The following ZFHX4 variants were observed in gnomAD, a reference collection of about 807,000 sequenced individuals.
The protein encoded by ZFHX4 is zinc finger homeobox protein 4.
Under a neutral mutation model 267.6 loss-of-function variants are expected in ZFHX4, and 56 were observed. The observed-to-expected ratio is 0.21, with a 90% CI of 0.17 to 0.26. ZFHX4 has a LOEUF of 0.26. ZFHX4 is among the 10% of genes least tolerant of loss of function. The pLI, the probability that ZFHX4 is intolerant of heterozygous loss-of-function variation, is 1.00. For synonymous variants in ZFHX4, 1,778 were observed against 1,665.6 expected (o/e 1.07, Z -1.64); for missense variants, 4,332 against 4,420.0 (o/e 0.98, Z 0.56).
At chr8:76,793,015 G>A (rs565621213) in intron 4 of ZFHX4, among the ~76,000 whole-genome samples, 2 of 152,292 alleles carry the variant, frequency 1.3e-5, no homozygotes, top group Admixed American at 1.3e-4. Flanking sequence ...CATTACTGAA[G>A]AGAGCACAAA....
intron 3 of ZFHX4, among the ~76,000 whole-genome samples, chr8:76,729,284 A>C (rs1808936180): frequency 6.6e-6 from 1 of 152,266 alleles, no homozygotes; most frequent in Admixed American, 6.5e-5. Context: ...TTTGAAGGTT[A>C]GTTGTTTGTA....
intron 4 of ZFHX4, among the ~76,000 whole-genome samples, chr8:76,815,098 C>G (rs1267456015): frequency 6.6e-6 from 1 of 151,892 alleles, no homozygotes; most frequent in Non-Finnish European, 1.5e-5. Context: ...GTAGGTCTAG[C>G]AAGAGAGTGA....
chr8:76,790,832 C>T (rs1810816496), intron 4 of ZFHX4, among the ~76,000 whole-genome samples: 1 of 152,068 alleles, frequency 6.6e-6, no homozygotes, highest in African/African-American at 2.4e-5. Flanking sequence ...AAACTTGCTA[C>T]CTTTTAGGTT....
chr8:76,850,795 G>T, intron 9 of ZFHX4, 91 bp from the exon 10 acceptor site: 2 of 1,327,354 alleles, frequency 1.5e-6, no homozygotes, highest in Non-Finnish European at 2.0e-6. Flanking sequence ...TTAAGCAGAA[G>T]CCTTTAGAGG....
chr8:76,732,051 A>G (rs775599050), intron 3 of ZFHX4, among the ~76,000 whole-genome samples: 3 of 151,966 alleles, frequency 2.0e-5, no homozygotes, highest in Non-Finnish European at 4.4e-5. Flanking sequence ...CATGTTGGCC[A>G]GGCTGGTCTT....
At chr8:76,819,290 A>G (rs1298451123) in intron 4 of ZFHX4, among the ~76,000 whole-genome samples, 2 of 151,654 alleles carry the variant, frequency 1.3e-5, no homozygotes, top group African/African-American at 2.4e-5. Context: ...AATGTCATTT[A>G]TGCTGAATAA....
intron 3 of ZFHX4, among the ~76,000 whole-genome samples, chr8:76,743,698 T>C (rs549716338): frequency 2.0e-5 from 3 of 152,320 alleles, no homozygotes; most frequent in South Asian, 4.1e-4. Context: ...ATTAGAAAGA[T>C]GTTATTGGCT....
chr8:76,773,098 A>G (rs1245120773), intron 3 of ZFHX4, among the ~76,000 whole-genome samples: 1 of 152,158 alleles, frequency 6.6e-6, no homozygotes, highest in African/African-American at 2.4e-5. Context: ...CTTGCCCAAT[A>G]CTTGCCATAG....
chr8:76,731,951 C>T (rs1026245090), intron 3 of ZFHX4, among the ~76,000 whole-genome samples: 1 of 151,506 alleles, frequency 6.6e-6, no homozygotes, highest in East Asian at 1.9e-4. Flanking sequence ...AAGCTATTCT[C>T]CTGCCTCAGC....
chr8:76,861,653 T>C (rs552728547), intron 10 of ZFHX4, among the ~76,000 whole-genome samples: 1 of 152,178 alleles, frequency 6.6e-6, no homozygotes, highest in East Asian at 1.9e-4. Flanking sequence ...TGCTAAGCTT[T>C]CTCGGTTGGG....
intron 4 of ZFHX4, among the ~76,000 whole-genome samples, chr8:76,809,132 G>T (rs1195468941): frequency 6.6e-6 from 1 of 152,176 alleles, no homozygotes; most frequent in South Asian, 2.1e-4. Context: ...GAAAAAGAAA[G>T]CAGTGTTATA....
At chr8:76,691,015 T>C (rs1405617150) in intron 1 of ZFHX4, among the ~76,000 whole-genome samples, 1 of 152,040 alleles carries the variant, frequency 6.6e-6, no homozygotes. Context: ...TTATCTTTGA[T>C]TACCCAGCAA....
In ZFHX4 at chr8:76,806,741, G is replaced by C. The variant is rs879737154; in HGVS notation, c.3326-26597G>C. On this transcript the variant is annotated intron_variant, in intron 4 of 10. Coordinates refer to ENST00000651372, the MANE Select transcript of ZFHX4 (RefSeq NM_024721.5). ...CCAAGTGTCCCCAAGAGTTCTTAAA[G>C]AGAATTTAGGTACTGGGATAAAATC... Among the ~76,000 whole-genome samples the C allele has an allele frequency of 4.6e-5, 7 of 152,194 alleles. No homozygotes were observed. The East Asian group carries it at 1.2e-3, about 25-fold the overall frequency.
At chr8:76,682,487 C>G (rs1237289580) in intron 1 of ZFHX4, 1 of 152,282 alleles carries the variant, frequency 6.6e-6, no homozygotes, top group Admixed American at 6.5e-5. Context: ...GGCGCGGGCG[C>G]GGGCGCCGCG....
At chr8:76,815,393 A>C (rs1811479011) in intron 4 of ZFHX4, among the ~76,000 whole-genome samples, 1 of 152,222 alleles carries the variant, frequency 6.6e-6, no homozygotes, top group Non-Finnish European at 1.5e-5. Flanking sequence ...TCAAGGTGCC[A>C]GCCAATTAGA....
At chr8:76,758,755 A>G (rs1249957158) in intron 3 of ZFHX4, among the ~76,000 whole-genome samples, 2 of 152,094 alleles carry the variant, frequency 1.3e-5, no homozygotes, top group Admixed American at 1.3e-4. Flanking sequence ...TGGCCCCCCA[A>G]AGTGCTGGGA....
intron 4 of ZFHX4, among the ~76,000 whole-genome samples, chr8:76,794,306 T>A (rs1487660657): frequency 6.6e-6 from 1 of 152,178 alleles, no homozygotes; most frequent in Non-Finnish European, 1.5e-5. Flanking sequence ...AATTTTCAGC[T>A]GAAAATGGAC....
rs753724181 is a variant in ZFHX4 at position 76,852,868 on chromosome 8, C to T, written c.5947C>T (p.Arg1983Cys). The T allele has an allele frequency of 5.0e-6, 8 of 1,613,620 alleles. No individual in the cohort carries two copies. Among genetic ancestry groups the T allele is most frequent in the East Asian group, 2.2e-5 (1 of 44,862 alleles). The stretch of plus-strand genomic sequence containing the variant: ...ATATGCAGCGCTAGAAAAATTTGCT[C>T]GTCAATACAGGGAGGCCTATGACAA... ...FPYAALEKFA[R>C]QYREAYDKLY... Residue 1983 changes from arginine to cysteine, a missense_variant, in exon 10 of 11, where the codon CGT becomes TGT. Coordinates refer to ENST00000651372, the MANE Select transcript of ZFHX4 (RefSeq NM_024721.5).
chr8:76,739,415 T>A (rs997453381), intron 3 of ZFHX4, among the ~76,000 whole-genome samples: 1 of 152,174 alleles, frequency 6.6e-6, no homozygotes, highest in East Asian at 1.9e-4. Flanking sequence ...TGGAATATTA[T>A]CTAAGAATCA....
Sources: allele counts gnomAD v4.1 joint callset (sites outside exome capture counted in the v4.1 genomes callset), GRCh38; gene constraint gnomAD v4.1.1; transcripts MANE v1.5; gene names NCBI Gene and HGNC (gene_info 2026-07-23, HGNC 2026-07-21).